The following DACH2 variants were observed in gnomAD, a reference collection of about 807,000 sequenced individuals.
DACH2 encodes dachshund homolog 2.
In DACH2, 17 loss-of-function variants were observed where a neutral mutation model predicts 35.8. That is an observed-to-expected ratio of 0.48 (90% CI 0.33 to 0.71). The LOEUF is 0.71. DACH2 is among the 30% of genes least tolerant of loss of function. DACH2 has a pLI of 0.02. For missense variants in DACH2, 469 were observed against 472.7 expected (o/e 0.99, Z 0.07); for synonymous variants, 195 against 177.3 (o/e 1.10, Z -0.79).
chrX:86,597,184 T>C (rs758543353), intron 3 of DACH2, among the ~76,000 whole-genome samples: 1 of 112,024 alleles, frequency 8.9e-6, no homozygotes, highest in South Asian at 3.7e-4. Flanking sequence ...AATTGCGATA[T>C]TGATTCGAAT....
intron 3 of DACH2, among the ~76,000 whole-genome samples, chrX:86,515,560 C>T (rs2038455346): frequency 9.0e-6 from 1 of 111,365 alleles, no homozygotes; most frequent in South Asian, 3.8e-4. Context: ...GAAAAGCCAG[C>T]TTCTGAAACC....
intron 3 of DACH2, among the ~76,000 whole-genome samples, chrX:86,625,878 T>C (rs1281797848): frequency 9.0e-6 from 1 of 111,287 alleles, no homozygotes; most frequent in African/African-American, 3.3e-5. Context: ...CATGTGGGGA[T>C]TATGGGAGCT....
At chrX:86,761,777 T>C (rs2041884827) in intron 7 of DACH2, among the ~76,000 whole-genome samples, 1 of 110,794 alleles carries the variant, frequency 9.0e-6, no homozygotes, top group Non-Finnish European at 1.9e-5. Context: ...GGATACCAAA[T>C]GAGCAAGTCT....
At chrX:86,696,707 A>G (rs902833081) in intron 5 of DACH2, among the ~76,000 whole-genome samples, 1 of 111,610 alleles carries the variant, frequency 9.0e-6, no homozygotes, top group East Asian at 2.9e-4. Context: ...AAGATAATTG[A>G]GTAATTGCAG....
chrX:86,466,887 G>A (rs2037679785), intron 2 of DACH2, among the ~76,000 whole-genome samples: 2 of 110,907 alleles, frequency 1.8e-5, no homozygotes, highest in South Asian at 7.7e-4. Context: ...GGAATGGAGG[G>A]CACCAAATCC....
At chrX:86,308,372 C>G (rs2034731484) in intron 1 of DACH2, among the ~76,000 whole-genome samples, 1 of 112,374 alleles carries the variant, frequency 8.9e-6, no homozygotes, top group Non-Finnish European at 1.9e-5. Context: ...GGCATAGCTA[C>G]CATCATGGAC....
At position 86,442,189 on chromosome X, in the gene DACH2, A is replaced by T. The variant is rs529977956; in HGVS notation, c.527+65327A>T. ...AGCCTTATTTTTTGTCTTTTTGATA[A>T]TGGCCACTCTAATTTGGGTGAAGTG... On this transcript the variant is annotated intron_variant, in intron 2 of 11. Coordinates refer to ENST00000373125, the MANE Select transcript of DACH2 (RefSeq NM_053281.3). 2.4e-4 allele frequency among the ~76,000 whole-genome samples: 26 copies of T among 110,020 alleles called. No homozygotes were observed. In the South Asian group the frequency reaches 9.9e-3, roughly 42 times the overall value.
At chrX:86,155,209 G>T (rs531700198) in intron 1 of DACH2, among the ~76,000 whole-genome samples, 1 of 110,592 alleles carries the variant, frequency 9.0e-6, no homozygotes, top group South Asian at 3.8e-4. Context: ...GCTTAATGCA[G>T]CTGCAATATA....
At chrX:86,254,658 A>AT (rs59354977) in intron 1 of DACH2, among the ~76,000 whole-genome samples, 100 of 98,247 alleles carry the variant, frequency 1.0e-3, no homozygotes, top group Non-Finnish European at 1.8e-3. Flanking sequence ...TTGTCTACTT[A>AT]TTTTTTTTTT....
chrX:86,675,513 C>T (rs769781182), intron 4 of DACH2, among the ~76,000 whole-genome samples: 12 of 110,754 alleles, frequency 1.1e-4, no homozygotes, highest in Non-Finnish European at 2.3e-4. Flanking sequence ...GGCAAGAGAT[C>T]GTCCCTAGAA....
intron 4 of DACH2, among the ~76,000 whole-genome samples, chrX:86,688,041 TAAAA>T (rs71709871): frequency 1.5e-4 from 16 of 109,095 alleles, no homozygotes; most frequent in African/African-American, 1.7e-4. Context: ...TAAAGTATAA[TAAAA>T]AAAAAGAAAG....
chrX:86,388,942 C>G (rs1002139117), intron 2 of DACH2, among the ~76,000 whole-genome samples: 1 of 111,294 alleles, frequency 9.0e-6, no homozygotes, highest in Non-Finnish European at 1.9e-5. Flanking sequence ...CTGTATCTCT[C>G]TTGCTCAAAA....
intron 4 of DACH2, among the ~76,000 whole-genome samples, chrX:86,679,815 T>G (rs1281442256): frequency 9.0e-6 from 1 of 111,215 alleles, no homozygotes; most frequent in Non-Finnish European, 1.9e-5. Flanking sequence ...CTGGTGCATA[T>G]TTAACCTTTC....
In DACH2 at chrX:86,623,391, A is replaced by G. The variant is rs1311700639; in HGVS notation, c.641-27645A>G. Among the ~76,000 whole-genome samples, 9 of 111,838 alleles carry G rather than the reference A, an allele frequency of 8.0e-5. No homozygotes were observed. In the East Asian group the frequency reaches 2.0e-3, roughly 25 times the overall value. On this transcript the variant is annotated intron_variant, in intron 3 of 11. Coordinates refer to ENST00000373125, the MANE Select transcript of DACH2 (RefSeq NM_053281.3). ...GGCAAAACAGGGATAAAAGCATTTCAGGGGAAAGTGGCAATGGTCTGAACA... is the reference window on the plus strand; with the variant it reads ...GGCAAAACAGGGATAAAAGCATTTCGGGGGAAAGTGGCAATGGTCTGAACA...
chrX:86,454,148 G>A (rs763694738), intron 2 of DACH2, among the ~76,000 whole-genome samples: 15 of 111,433 alleles, frequency 1.3e-4, no homozygotes, highest in Non-Finnish European at 2.1e-4. Flanking sequence ...GAGGTCTGCC[G>A]TTATTCTGGT....
chrX:86,440,208 T>C (rs761472988), intron 2 of DACH2, among the ~76,000 whole-genome samples: 1 of 111,514 alleles, frequency 9.0e-6, no homozygotes, highest in Non-Finnish European at 1.9e-5. Context: ...CCATATCTGA[T>C]AGACGGGTGT....
intron 2 of DACH2, among the ~76,000 whole-genome samples, chrX:86,441,479 CTG>C (rs61396163): frequency 0.45 from 42,793 of 94,956 alleles, 8,296 homozygotes; most frequent in East Asian, 0.72. Flanking sequence ...AAGTATTCCA[CTG>C]TGTGTGTGTG....
At chrX:86,160,041 T>TA (rs371580157) in intron 1 of DACH2, among the ~76,000 whole-genome samples, 8,484 of 101,295 alleles carry the variant, frequency 0.084, 806 homozygotes, top group African/African-American at 0.27. Flanking sequence ...CTGCCACATG[T>TA]AAAAAAAAAA....
chrX:86,259,096 T>C (rs2033577832), intron 1 of DACH2, among the ~76,000 whole-genome samples: 1 of 112,177 alleles, frequency 8.9e-6, no homozygotes, highest in Non-Finnish European at 1.9e-5. Context: ...TGTCAAAAAT[T>C]AAATAGCAAT....
Sources: allele counts gnomAD v4.1 joint callset (sites outside exome capture counted in the v4.1 genomes callset), GRCh38; gene constraint gnomAD v4.1.1; transcripts MANE v1.5; gene names NCBI Gene and HGNC (gene_info 2026-07-23, HGNC 2026-07-21).